Variants in TRAPPC12 observed in about 807,000 individuals in gnomAD.
TRAPPC12 encodes trafficking protein particle complex subunit 12, also known as TPR repeat protein 15.
Under a neutral mutation model 69.2 loss-of-function variants are expected in TRAPPC12, and 61 were observed. The observed-to-expected ratio is 0.88, with a 90% CI of 0.72 to 1.09. TRAPPC12 has a LOEUF of 1.09. Among genes scored for constraint, TRAPPC12 ranks in the 50% least tolerant of loss-of-function variants. The pLI is 0.00. For synonymous variants in TRAPPC12, 469 were observed against 438.9 expected, an observed-to-expected ratio of 1.07 and a Z score of -0.86; for missense variants, 1,101 against 1,016.4, an observed-to-expected ratio of 1.08 and a Z score of -1.13.
At chr2:3,443,944 C>A in intron 6 of TRAPPC12, 53 bp downstream of exon 6, 1 of 1,369,086 alleles carries the variant, frequency 7.3e-7, no homozygotes, top group South Asian at 1.2e-5. Flanking sequence ...CCCTCCACGC[C>A]CTCCCCACAG....
intron 1 of TRAPPC12, among the ~76,000 whole-genome samples, chr2:3,380,395 C>T (rs1660151997): frequency 6.6e-6 from 1 of 152,234 alleles, no homozygotes; most frequent in African/African-American, 2.4e-5. Flanking sequence ...GCTACACATA[C>T]TAATTGTAGA....
rs1028945083 is a variant in TRAPPC12 at position 3,392,196 on chromosome 2, A to C, written c.1047+3526A>C. 5.3e-5 allele frequency among the ~76,000 whole-genome samples: 8 copies of C among 152,150 alleles called. No homozygotes were observed. The East Asian group carries it at 1.5e-3, about 29-fold the overall frequency. Reference sequence around the variant, plus strand: ...AACACCTGTTCCTCAAAAAAGCTTAAAGGTCTCTGGTCCTGTCCAGTTTCT... The same window carrying C: ...AACACCTGTTCCTCAAAAAAGCTTACAGGTCTCTGGTCCTGTCCAGTTTCT... On this transcript the variant is annotated intron_variant, in intron 2 of 11. Transcript: ENST00000324266.
intron 2 of TRAPPC12, chr2:3,389,680 A>G: frequency 2.1e-6 from 1 of 471,078 alleles, no homozygotes; most frequent in Non-Finnish European, 4.4e-6. Context: ...TGGGGGATGG[A>G]GGGTTACAGT....
chr2:3,429,628 T>C (rs1237099608), intron 5 of TRAPPC12, among the ~76,000 whole-genome samples: 1 of 152,206 alleles, frequency 6.6e-6, no homozygotes, highest in East Asian at 1.9e-4. Context: ...CAAATTCAGA[T>C]ATTTGATTTT....
At chr2:3,446,236 C>T (rs1258981087) in intron 6 of TRAPPC12, among the ~76,000 whole-genome samples, 3 of 152,152 alleles carry the variant, frequency 2.0e-5, no homozygotes, top group Non-Finnish European at 2.9e-5. Flanking sequence ...CAAATCTAAG[C>T]CAACACTCCT....
intron 6 of TRAPPC12, among the ~76,000 whole-genome samples, chr2:3,444,264 C>T (rs938682086): frequency 4.6e-5 from 7 of 152,356 alleles, no homozygotes; most frequent in Admixed American, 6.5e-5. Flanking sequence ...ACAGAGGTAC[C>T]GGAGCAGTAC....
At chr2:3,388,736 G>T in intron 2 of TRAPPC12, 66 bp downstream of exon 2, 1 of 1,402,750 alleles carries the variant, frequency 7.1e-7, no homozygotes, top group Non-Finnish European at 9.4e-7. Context: ...TACGCACAGT[G>T]CCCCTTTAGG....
chr2:3,465,056 T>C (rs1323699275), intron 8 of TRAPPC12, among the ~76,000 whole-genome samples: 3 of 152,210 alleles, frequency 2.0e-5, no homozygotes, highest in African/African-American at 7.2e-5. Flanking sequence ...CACACGACAT[T>C]CACGCACTCT....
intron 9 of TRAPPC12, among the ~76,000 whole-genome samples, chr2:3,470,425 C>G (rs1360228477): frequency 5.3e-5 from 8 of 152,272 alleles, no homozygotes; most frequent in African/African-American, 1.9e-4. Flanking sequence ...TGCTGTCCGC[C>G]CTGTTCCTGC....
intron 3 of TRAPPC12, among the ~76,000 whole-genome samples, chr2:3,419,087 C>A (rs1253345017): frequency 6.6e-6 from 1 of 152,206 alleles, no homozygotes; most frequent in Non-Finnish European, 1.5e-5. Flanking sequence ...ACATTCTGTC[C>A]TCTTCTAGGG....
At chr2:3,400,138 G>GT (rs1384208754) in intron 2 of TRAPPC12, among the ~76,000 whole-genome samples, 2 of 152,204 alleles carry the variant, frequency 1.3e-5, no homozygotes, top group Non-Finnish European at 2.9e-5. Flanking sequence ...CCCAGAGCAC[G>GT]TGTCAGGGAA....
intron 2 of TRAPPC12, among the ~76,000 whole-genome samples, chr2:3,399,614 G>T (rs1038892879): frequency 6.6e-6 from 1 of 152,154 alleles, no homozygotes; most frequent in Non-Finnish European, 1.5e-5. Context: ...CCCTTCTGCC[G>T]CAGGCTGTTG....
At chr2:3,438,576 A>G (rs1664016792) in intron 5 of TRAPPC12, among the ~76,000 whole-genome samples, 1 of 92,696 alleles carries the variant, frequency 1.1e-5, no homozygotes, top group African/African-American at 4.2e-5. Flanking sequence ...TCACCCCTGG[A>G]TTAATCCCCC....
chr2:3,416,056 T>G (rs1034102628), intron 3 of TRAPPC12, among the ~76,000 whole-genome samples: 2 of 152,182 alleles, frequency 1.3e-5, no homozygotes, highest in Non-Finnish European at 2.9e-5. Context: ...TTACTGTGGG[T>G]ATGGATGGAG....
rs553686544 is a variant in TRAPPC12, at chr2:3,408,960, C to T, written c.1164+7067C>T. The stretch of plus-strand genomic sequence containing the variant: ...CGCTCCTTTCCTGCCCTGCGCGGCC[C>T]GCTGCGGCACAGAGCTATGTGCACC... On this transcript the variant is annotated intron_variant, in intron 3 of 11. Coordinates refer to ENST00000324266, the MANE Select transcript of TRAPPC12 (RefSeq NM_016030.6). Among the ~76,000 whole-genome samples, 12 of 152,318 alleles carry T rather than the reference C, an allele frequency of 7.9e-5. No individual in the cohort carries two copies. In the South Asian group the frequency reaches 1.4e-3, roughly 18 times the overall value.
chr2:3,391,280 T>C (rs1660811579), intron 2 of TRAPPC12, among the ~76,000 whole-genome samples: 1 of 152,108 alleles, frequency 6.6e-6, no homozygotes, highest in African/African-American at 2.4e-5. Context: ...GTGCAACCAC[T>C]TACCCACTCC....
At chr2:3,402,899 T>TA (rs1661526319) in intron 3 of TRAPPC12, among the ~76,000 whole-genome samples, 3 of 152,264 alleles carry the variant, frequency 2.0e-5, no homozygotes, top group Admixed American at 2.0e-4. Flanking sequence ...AGAGTGGACT[T>TA]AGCAAAGCCA....
At chr2:3,428,802 C>T (rs1171207419) in intron 5 of TRAPPC12, among the ~76,000 whole-genome samples, 5 of 152,154 alleles carry the variant, frequency 3.3e-5, no homozygotes, top group Non-Finnish European at 7.3e-5. Flanking sequence ...CCCAGCCCCG[C>T]GCCCCCGGAG....
At chr2:3,387,547 A>G in intron 1 of TRAPPC12, 73 bp from the exon 2 acceptor site, 1 of 1,165,054 alleles carries the variant, frequency 8.6e-7, no homozygotes, top group South Asian at 1.6e-5. Flanking sequence ...TTGAATCTAT[A>G]AGCAATACTC....
Sources: allele counts gnomAD v4.1 joint callset (sites outside exome capture counted in the v4.1 genomes callset), GRCh38; gene constraint gnomAD v4.1.1; transcripts MANE v1.5; gene names NCBI Gene and HGNC (gene_info 2026-07-23, HGNC 2026-07-21).